Variants in FBXL7 observed in about 807,000 individuals in gnomAD.
The protein encoded by FBXL7 is F-box and leucine rich repeat protein 7.
A neutral mutation model predicts 38.3 loss-of-function variants in FBXL7; 12 were observed. That is an observed-to-expected ratio of 0.31 (90% CI 0.20 to 0.51). FBXL7 has a LOEUF of 0.51. Among genes scored for constraint, FBXL7 ranks in the 20% least tolerant of loss-of-function variants. The probability of loss-of-function intolerance (pLI) is 0.98; values close to 1 mark genes in which losing one functional copy is unlikely to be tolerated. For missense variants in FBXL7, 567 were observed against 676.4 expected, an observed-to-expected ratio of 0.84 and a Z score of 1.79; for synonymous variants, 297 against 300.9, an observed-to-expected ratio of 0.99 and a Z score of 0.13.
At chr5:15,527,401 G>A (rs1052492509) in intron 1 of FBXL7, among the ~76,000 whole-genome samples, 2 of 151,976 alleles carry the variant, frequency 1.3e-5, no homozygotes, top group South Asian at 2.1e-4. Flanking sequence ...ATTTGTCTCC[G>A]AGAGTTAGCA....
At chr5:15,519,457 C>A (rs1388300212) in intron 1 of FBXL7, among the ~76,000 whole-genome samples, 20 of 141,504 alleles carry the variant, frequency 1.4e-4, no homozygotes, top group East Asian at 1.0e-3. Context: ...AAAAAAAAAA[C>A]AAACAAACAA....
chr5:15,591,884 G>A (rs1030762993), intron 1 of FBXL7, among the ~76,000 whole-genome samples: 1 of 152,032 alleles, frequency 6.6e-6, no homozygotes, highest in Admixed American at 6.5e-5. Flanking sequence ...CTAATTCTTT[G>A]TATTTTTAGT....
chr5:15,811,177 G>T (rs1184556268), intron 2 of FBXL7, among the ~76,000 whole-genome samples: 1 of 152,128 alleles, frequency 6.6e-6, no homozygotes, highest in Admixed American at 6.6e-5. Context: ...ATGATTATGG[G>T]AACTTTTGCT....
chr5:15,606,561 C>T (rs1234612623), intron 1 of FBXL7, among the ~76,000 whole-genome samples: 9 of 152,176 alleles, frequency 5.9e-5, no homozygotes, highest in Non-Finnish European at 1.3e-4. Context: ...CCAGTTAGGA[C>T]ATTCAGTGTA....
chr5:15,841,692 T>C (rs1738750351), intron 2 of FBXL7, among the ~76,000 whole-genome samples: 1 of 152,216 alleles, frequency 6.6e-6, no homozygotes, highest in Admixed American at 6.5e-5. Context: ...AGGGACCCCT[T>C]GCTGTGTGCA....
intron 1 of FBXL7, among the ~76,000 whole-genome samples, chr5:15,531,098 C>G (rs779819117): frequency 6.6e-5 from 10 of 152,158 alleles, no homozygotes; most frequent in Non-Finnish European, 1.3e-4. Flanking sequence ...AGAGCTATCC[C>G]TGATCCAGAC....
intron 2 of FBXL7, among the ~76,000 whole-genome samples, chr5:15,898,219 C>T (rs1190679609): frequency 1.3e-5 from 2 of 152,186 alleles, no homozygotes; most frequent in Non-Finnish European, 2.9e-5. Context: ...ACTTCATGAG[C>T]TGGAACATTT....
At chr5:15,587,162 C>CA (rs1249472229) in intron 1 of FBXL7, among the ~76,000 whole-genome samples, 1 of 152,236 alleles carries the variant, frequency 6.6e-6, no homozygotes. Flanking sequence ...ACTACAGACA[C>CA]AATCTCTGTT....
chr5:15,859,698 T>G (rs1239142835), intron 2 of FBXL7, among the ~76,000 whole-genome samples: 1 of 152,146 alleles, frequency 6.6e-6, no homozygotes. Context: ...GCCCCCATTA[T>G]TCAATTACCT....
chr5:15,523,309 A>G (rs572907900), intron 1 of FBXL7, among the ~76,000 whole-genome samples: 1 of 152,352 alleles, frequency 6.6e-6, no homozygotes, highest in East Asian at 1.9e-4. Flanking sequence ...CTGTAATCCC[A>G]GCACTTTGGG....
chr5:15,611,461 C>T (rs886814783), intron 1 of FBXL7, among the ~76,000 whole-genome samples: 3 of 151,916 alleles, frequency 2.0e-5, no homozygotes, highest in African/African-American at 4.8e-5. Flanking sequence ...TGCTCAGACA[C>T]GAATTATAGT....
At chr5:15,790,305 G>T (rs1737240718) in intron 2 of FBXL7, among the ~76,000 whole-genome samples, 1 of 152,072 alleles carries the variant, frequency 6.6e-6, no homozygotes, top group Non-Finnish European at 1.5e-5. Flanking sequence ...CTGACCACCT[G>T]GAGTTCAGTG....
At chr5:15,874,093 T>C (rs1740094674) in intron 2 of FBXL7, among the ~76,000 whole-genome samples, 2 of 152,188 alleles carry the variant, frequency 1.3e-5, no homozygotes, top group African/African-American at 4.8e-5. Context: ...GCTTCATCCC[T>C]GGGATGCAAA....
chr5:15,922,092 G>T (rs1368801506), intron 2 of FBXL7, among the ~76,000 whole-genome samples: 1 of 151,794 alleles, frequency 6.6e-6, no homozygotes, highest in African/African-American at 2.4e-5. Flanking sequence ...TTTATCAATG[G>T]ATGAATGGGT....
rs541764339 is a variant in FBXL7, at chr5:15,632,941, A to T, written c.127+16869A>T. 4.6e-5 allele frequency among the ~76,000 whole-genome samples: 7 copies of T among 152,324 alleles called. No homozygotes were observed. The South Asian group carries it at 1.5e-3, about 32-fold the overall frequency. ...TAAGATCAGTCATATCCCAAACCTGAACATCACACAATATACCCAAGTAAC... is the reference window on the plus strand; with the variant it reads ...TAAGATCAGTCATATCCCAAACCTGTACATCACACAATATACCCAAGTAAC... On this transcript the variant is annotated intron_variant, in intron 2 of 3. Coordinates refer to ENST00000504595, the MANE Select transcript of FBXL7 (RefSeq NM_012304.5).
intron 1 of FBXL7, among the ~76,000 whole-genome samples, chr5:15,537,801 G>T (rs1044459492): frequency 2.8e-4 from 43 of 152,346 alleles, no homozygotes; most frequent in Middle Eastern, 6.8e-3. Flanking sequence ...GGAGCCAGGG[G>T]CCACTGGTTT....
chr5:15,644,400 G>A (rs1360870387), intron 2 of FBXL7, among the ~76,000 whole-genome samples: 5 of 151,692 alleles, frequency 3.3e-5, no homozygotes, highest in African/African-American at 1.2e-4. Context: ...ACTTGAACCC[G>A]GGAGGCAGAG....
intron 2 of FBXL7, among the ~76,000 whole-genome samples, chr5:15,751,873 C>G (rs1028032511): frequency 6.6e-6 from 1 of 152,104 alleles, no homozygotes; most frequent in Non-Finnish European, 1.5e-5. Flanking sequence ...AATTACCCAG[C>G]AGCAGGAATC....
intron 1 of FBXL7, among the ~76,000 whole-genome samples, chr5:15,539,368 T>C (rs1291299700): frequency 2.0e-5 from 3 of 152,242 alleles, no homozygotes; most frequent in African/African-American, 7.2e-5. Context: ...AGGTTGAGGA[T>C]GCTGGAAAAT....
Sources: allele counts gnomAD v4.1 joint callset (sites outside exome capture counted in the v4.1 genomes callset), GRCh38; gene constraint gnomAD v4.1.1; transcripts MANE v1.5; gene names NCBI Gene and HGNC (gene_info 2026-07-23, HGNC 2026-07-21).